XRRA1: variants seen among roughly 807,000 people sequenced by gnomAD.
The protein encoded by XRRA1 is X-ray radiation resistance-associated protein 1.
In XRRA1, 69 loss-of-function variants were observed where a neutral mutation model predicts 80.2. The observed-to-expected ratio is 0.86, with a 90% CI of 0.71 to 1.05. The LOEUF (loss-of-function observed/expected upper bound fraction) is 1.05. XRRA1 is among the 50% of genes least tolerant of loss of function. The pLI, the probability that XRRA1 is intolerant of heterozygous loss-of-function variation, is 0.00. For missense variants in XRRA1, 967 were observed against 976.4 expected, an observed-to-expected ratio of 0.99 and a Z score of 0.13; for synonymous variants, 348 against 389.9, an observed-to-expected ratio of 0.89 and a Z score of 1.27.
At chr11:74,873,949 A>G (rs2136319339) in intron 10 of XRRA1, among the ~76,000 whole-genome samples, 2 of 152,172 alleles carry the variant, frequency 1.3e-5, no homozygotes, top group Middle Eastern at 3.4e-3. Context: ...TCATAAAAAA[A>G]ACTCAAGGCC....
At chr11:74,875,488 G>A (rs2045838565) in intron 10 of XRRA1, among the ~76,000 whole-genome samples, 1 of 152,158 alleles carries the variant, frequency 6.6e-6, no homozygotes, top group Non-Finnish European at 1.5e-5. Flanking sequence ...TTTTCACTTG[G>A]GAAAGGATAA....
intron 1 of XRRA1, among the ~76,000 whole-genome samples, chr11:74,947,833 T>G (rs536952682): frequency 3.6e-4 from 55 of 152,308 alleles, no homozygotes; most frequent in African/African-American, 1.2e-3. Context: ...CAAGCAATTC[T>G]CCTGCCTCAG....
intron 1 of XRRA1, among the ~76,000 whole-genome samples, chr11:74,945,342 C>T (rs1378252548): frequency 1.3e-5 from 2 of 151,988 alleles, no homozygotes; most frequent in African/African-American, 2.4e-5. Context: ...ATCAGACACA[C>T]GAAGCACAAA....
intron 3 of XRRA1, among the ~76,000 whole-genome samples, chr11:74,939,816 T>C (rs1945928641): frequency 6.7e-6 from 1 of 149,482 alleles, no homozygotes. Flanking sequence ...TATCCATCTA[T>C]GTGTGTCTGT....
At chr11:74,920,604 G>A (rs1410963116) in intron 8 of XRRA1, among the ~76,000 whole-genome samples, 1 of 152,122 alleles carries the variant, frequency 6.6e-6, no homozygotes, top group Non-Finnish European at 1.5e-5. Context: ...TCATGAGTAT[G>A]GTCTCTGGAG....
chr11:74,877,382 C>T (rs1028638315), intron 10 of XRRA1, among the ~76,000 whole-genome samples: 1 of 152,154 alleles, frequency 6.6e-6, no homozygotes, highest in Admixed American at 6.5e-5. Flanking sequence ...TACAACCCAT[C>T]AAATGGCTAT....
intron 3 of XRRA1, among the ~76,000 whole-genome samples, chr11:74,939,357 A>G (rs533626043): frequency 2.6e-4 from 40 of 152,306 alleles, no homozygotes; most frequent in Middle Eastern, 3.4e-3. Flanking sequence ...ATCTCAAAAA[A>G]AGAAAAGAAA....
chr11:74,866,195 ATC>A (rs1406022965), intron 10 of XRRA1, among the ~76,000 whole-genome samples: 1 of 152,144 alleles, frequency 6.6e-6, no homozygotes, highest in Non-Finnish European at 1.5e-5. Flanking sequence ...GAGATGTGTG[ATC>A]TCTCAGACAA....
At chr11:74,916,355 A>T (rs1174221283) in intron 8 of XRRA1, among the ~76,000 whole-genome samples, 1 of 152,006 alleles carries the variant, frequency 6.6e-6, no homozygotes, top group Non-Finnish European at 1.5e-5. Context: ...TGTTCAAGTC[A>T]ATCTTTTTTT....
chr11:74,870,411 C>T (rs1307160456), intron 10 of XRRA1, among the ~76,000 whole-genome samples: 1 of 152,206 alleles, frequency 6.6e-6, no homozygotes, highest in Non-Finnish European at 1.5e-5. Flanking sequence ...CCAAGCTTTT[C>T]CTATTGCATT....
At chr11:74,894,604 T>C (rs60858697) in intron 10 of XRRA1, among the ~76,000 whole-genome samples, 1 of 152,092 alleles carries the variant, frequency 6.6e-6, no homozygotes, top group African/African-American at 2.4e-5. Context: ...ACACTTAACA[T>C]AACTATCAGA....
intron 3 of XRRA1, among the ~76,000 whole-genome samples, chr11:74,937,378 A>C (rs1274227360): frequency 6.6e-6 from 1 of 152,104 alleles, no homozygotes; most frequent in Non-Finnish European, 1.5e-5. Context: ...ATTCCTTCAA[A>C]AACTAAGATC....
At chr11:74,863,831 G>C (rs1462110953) in intron 10 of XRRA1, 1 of 152,192 alleles carries the variant, frequency 6.6e-6, no homozygotes, top group African/African-American at 2.4e-5. Flanking sequence ...AGGGAGTTTG[G>C]GAAAGCTTTG....
chr11:74,891,484 A>C (rs2137304448), intron 10 of XRRA1, among the ~76,000 whole-genome samples: 1 of 152,346 alleles, frequency 6.6e-6, no homozygotes, highest in South Asian at 2.1e-4. Flanking sequence ...TCCCCTTTGA[A>C]AACTGGCACA....
intron 6 of XRRA1, 61 bp from the exon 7 acceptor site, chr11:74,927,549 A>T (rs1055766488): frequency 1.8e-5 from 21 of 1,146,634 alleles, no homozygotes; most frequent in Non-Finnish European, 2.8e-5. Flanking sequence ...GAAAGATATT[A>T]ATAATTACCA....
At chr11:74,845,396 C>T in intron 15 of XRRA1, 125 bp from the exon 16 acceptor site, 1 of 914,544 alleles carries the variant, frequency 1.1e-6, no homozygotes, top group Non-Finnish European at 1.6e-6. Flanking sequence ...AAGACCAAGA[C>T]TGGGATGGAA....
intron 8 of XRRA1, among the ~76,000 whole-genome samples, chr11:74,912,201 T>C (rs1369219887): frequency 2.0e-5 from 3 of 152,154 alleles, no homozygotes; most frequent in African/African-American, 7.2e-5. Context: ...GTTTATAGTG[T>C]TGCAAACTAA....
intron 7 of XRRA1, among the ~76,000 whole-genome samples, chr11:74,927,123 T>G (rs189913751): frequency 6.6e-6 from 1 of 152,196 alleles, no homozygotes; most frequent in Non-Finnish European, 1.5e-5. Flanking sequence ...GGACATGACC[T>G]TTGGCATTTA....
chr11:74,901,661 G>A (rs1276678153), intron 10 of XRRA1, among the ~76,000 whole-genome samples: 3 of 152,128 alleles, frequency 2.0e-5, no homozygotes, highest in Non-Finnish European at 4.4e-5. Flanking sequence ...ACCGATTTTC[G>A]ACAAGGGTGC....
Sources: gnomAD v4.1 joint callset for allele counts (sites outside exome capture counted in the v4.1 genomes callset) on GRCh38, gnomAD v4.1.1 for gene constraint, MANE v1.5 for transcripts, NCBI Gene and HGNC (gene_info 2026-07-23, HGNC 2026-07-21) for gene names.